The following RFX2 variants were observed in gnomAD, a reference collection of about 807,000 sequenced individuals.
The protein encoded by RFX2 is DNA-binding protein RFX2.
In RFX2, 20 loss-of-function variants were observed where a neutral mutation model predicts 87.8. The observed-to-expected ratio is 0.23, with a 90% CI of 0.16 to 0.33. The LOEUF (loss-of-function observed/expected upper bound fraction) is 0.33, where lower values mean the gene tolerates loss of function less well. Ranked by LOEUF, RFX2 falls within the 10% of genes least tolerant of loss-of-function variation. The probability of loss-of-function intolerance (pLI) is 1.00; values close to 1 mark genes in which losing one functional copy is unlikely to be tolerated. For missense variants in RFX2, 767 were observed against 1,012.3 expected, an observed-to-expected ratio of 0.76 and a Z score of 3.29; for synonymous variants, 397 against 431.3, an observed-to-expected ratio of 0.92 and a Z score of 0.98.
chr19:6,004,381 C>T lies in RFX2; in HGVS notation c.1403-83G>A. 1 of 1,155,882 alleles carries T rather than the reference C, an allele frequency of 8.7e-7. No individual in the cohort carries two copies. Among genetic ancestry groups the T allele is most frequent in the Non-Finnish European group, 1.3e-6 (1 of 765,886 alleles). 71.6% of individuals were successfully genotyped at this position (1,155,882 alleles called of 1,614,324 possible). A position where few individuals can be genotyped will look rare whatever the true frequency, so the allele number is the denominator to read the frequency against. On this transcript the variant is annotated intron_variant, in intron 12 of 17. Coordinates refer to ENST00000303657, the MANE Select transcript of RFX2 (RefSeq NM_000635.4). The surrounding 1 kb of genome is among the most constrained non-coding windows in gnomAD (Gnocchi z 4.8). ...ATCAGCATTCAGTGTAAGAGCTGGC[C>T]CAAGTGCGATGAAAATGACCACCAT...
intron 5 of RFX2, among the ~76,000 whole-genome samples, chr19:6,038,812 C>T (rs2087060657): frequency 6.6e-6 from 1 of 152,174 alleles, no homozygotes; most frequent in Admixed American, 6.5e-5. Context: ...ACCAAGAGCA[C>T]CAGCAGCATC....
intron 1 of RFX2, chr19:6,068,398 G>A (rs866207269): frequency 1.1e-4 from 17 of 152,162 alleles, no homozygotes; most frequent in African/African-American, 3.4e-4. Context: ...GGGAGGATAG[G>A]AGCATATGGA....
At chr19:6,000,829 C>A (rs964094994) in intron 15 of RFX2, among the ~76,000 whole-genome samples, 4 of 152,230 alleles carry the variant, frequency 2.6e-5, no homozygotes, top group Admixed American at 2.6e-4. Flanking sequence ...ACAATTTGGC[C>A]CTGTGGCCAT....
chr19:6,065,851 G>T (rs1321505277), intron 1 of RFX2, among the ~76,000 whole-genome samples: 1 of 152,070 alleles, frequency 6.6e-6, no homozygotes, highest in Non-Finnish European at 1.5e-5. Flanking sequence ...GGGCTGGAGT[G>T]TCTGTTACAG....
At chr19:6,052,674 C>T (rs1031071842) in intron 1 of RFX2, among the ~76,000 whole-genome samples, 1 of 152,058 alleles carries the variant, frequency 6.6e-6, no homozygotes, top group African/African-American at 2.4e-5. Context: ...TTCAAAATAC[C>T]ATAATTATAC....
chr19:6,007,190 G>A lies in RFX2; in HGVS notation c.1248-24C>T. 6.2e-7 allele frequency: 1 copy of A among 1,609,362 alleles called. No individual in the cohort carries two copies. Among genetic ancestry groups the A allele is most frequent in the Non-Finnish European group, 8.5e-7 (1 of 1,177,664 alleles). ...CACTGTGGAGGGAGGGGGGACAGGTGAGCTGTGGCCTGGCCCAGGTGGGCT... is the reference window on the plus strand; with the variant it reads ...CACTGTGGAGGGAGGGGGGACAGGTAAGCTGTGGCCTGGCCCAGGTGGGCT... On this transcript the variant is annotated intron_variant, in intron 11 of 17. Coordinates refer to ENST00000303657, the MANE Select transcript of RFX2 (RefSeq NM_000635.4). This position sits in a 1 kb window ranked among gnomAD's most constrained non-coding sequence, Gnocchi z 8.2.
intron 4 of RFX2, among the ~76,000 whole-genome samples, chr19:6,041,225 G>T (rs1272810506): frequency 6.6e-6 from 1 of 152,014 alleles, no homozygotes; most frequent in Non-Finnish European, 1.5e-5. Flanking sequence ...AGTAGCTGGG[G>T]TGATGGGTGT....
intron 1 of RFX2, chr19:6,072,739 C>G (rs1052346236): frequency 4.0e-6 from 2 of 502,076 alleles, no homozygotes; most frequent in Non-Finnish European, 7.3e-6. Context: ...CTTCCAAGGA[C>G]ATAACAAAGA....
chr19:6,023,508 T>C lies in RFX2; in HGVS notation c.597+2655A>G, dbSNP rs112344275. ...TCTAAGTTTATTCTGCCCGTGTGTG[T>C]GGTGAACTTTTTAGAAAGATCTTAT... On this transcript the variant is annotated intron_variant, in intron 6 of 17. Transcript: ENST00000303657. This position sits in a 1 kb window ranked among gnomAD's most constrained non-coding sequence, Gnocchi z 4.9. Among the ~76,000 whole-genome samples the C allele has an allele frequency of 9.6e-3, 1,458 of 152,362 alleles. 8 individuals carry two copies. Among genetic ancestry groups the C allele is most frequent in the Non-Finnish European group, 0.014 (942 of 68,042 alleles).
rs1398306133 is a variant in RFX2 at position 6,088,779 on chromosome 19, CA to C, written c.-9+21613del. 3.3e-5 allele frequency among the ~76,000 whole-genome samples: 5 copies of C among 152,162 alleles called. No individual in the cohort carries two copies. The East Asian group carries it at 5.8e-4, about 18-fold the overall frequency. ...TATAGCCAAGTAATGTGCGTTAGAC[CA>C]GGGGGTGGCAAGCTTTTTTTGTAAA... On this transcript the variant is annotated intron_variant, in intron 1 of 17. Coordinates refer to ENST00000303657, the MANE Select transcript of RFX2 (RefSeq NM_000635.4).
At position 6,024,169 on chromosome 19, in the gene RFX2, C is replaced by T. The variant is rs1049431400; in HGVS notation, c.597+1994G>A. On this transcript the variant is annotated intron_variant, in intron 6 of 17. Coordinates refer to ENST00000303657, the MANE Select transcript of RFX2 (RefSeq NM_000635.4). This position sits in a 1 kb window ranked among gnomAD's most constrained non-coding sequence, Gnocchi z 5.0. ...TCCTGCCTGGGTCACGCAGCCCTCT[C>T]GCCCAGGGCTGATACCCTGGACCCG... Among the ~76,000 whole-genome samples, 5 of 152,226 alleles carry T rather than the reference C, an allele frequency of 3.3e-5. No homozygotes were observed. Among genetic ancestry groups the T allele is most frequent in the African/African-American group, 7.2e-5 (3 of 41,454 alleles).
At chr19:6,037,066 C>T (rs1314324331) in intron 5 of RFX2, among the ~76,000 whole-genome samples, 4 of 152,102 alleles carry the variant, frequency 2.6e-5, no homozygotes, top group Admixed American at 6.5e-5. Context: ...AGGCAGATCA[C>T]GAGGTCAGGA....
Position 6,002,190 on chromosome 19 carries a change from A to G in RFX2, c.1651-167T>C, listed in dbSNP as rs2086499030. On this transcript the variant is annotated intron_variant, in intron 14 of 17. Coordinates refer to ENST00000303657, the MANE Select transcript of RFX2 (RefSeq NM_000635.4). The surrounding 1 kb of genome is among the most constrained non-coding windows in gnomAD (Gnocchi z 6.7). ...CCTGTGTCTCCCGTCACAGGGGCAG[A>G]ATAGAGAGCTGAGGGGGATCGTACC... 6.6e-6 allele frequency among the ~76,000 whole-genome samples: 1 copy of G among 152,226 alleles called. No homozygotes were observed.
intron 5 of RFX2, among the ~76,000 whole-genome samples, chr19:6,033,167 C>A (rs886847746): frequency 1.3e-5 from 2 of 152,196 alleles, no homozygotes; most frequent in African/African-American, 2.4e-5. Context: ...AGAGCCACTG[C>A]GCACTCTTAA....
At chr19:5,996,757 G>T (rs1415237674) in intron 16 of RFX2, among the ~76,000 whole-genome samples, 1 of 152,246 alleles carries the variant, frequency 6.6e-6, no homozygotes, top group African/African-American at 2.4e-5. Context: ...CCCCTGTGTG[G>T]CGGGACGCCC....
chr19:6,048,482 A>T (rs1006188320), intron 1 of RFX2, among the ~76,000 whole-genome samples: 8 of 152,214 alleles, frequency 5.3e-5, no homozygotes, highest in Non-Finnish European at 1.0e-4. Context: ...ACACACACTT[A>T]GGTAGGGAGG....
rs2086866402 is a variant in RFX2 at position 6,024,903 on chromosome 19, G to C, written c.597+1260C>G. 6.8e-6 allele frequency among the ~76,000 whole-genome samples: 1 copy of C among 147,080 alleles called. No homozygotes were observed. Among genetic ancestry groups the C allele is most frequent in the East Asian group, 2.0e-4 (1 of 4,910 alleles). On this transcript the variant is annotated intron_variant, in intron 6 of 17. Coordinates refer to ENST00000303657, the MANE Select transcript of RFX2 (RefSeq NM_000635.4). The surrounding 1 kb of genome is among the most constrained non-coding windows in gnomAD (Gnocchi z 5.0). ...GGACGGGATCACGGTGAGGACGGGA[G>C]TCAGGACGGGATCACGGTGAGGACG...
rs1409211114 is a variant in RFX2, at chr19:6,039,880, C to A, written c.522+100G>T. On this transcript the variant is annotated intron_variant, in intron 5 of 17. Coordinates refer to ENST00000303657, the MANE Select transcript of RFX2 (RefSeq NM_000635.4). The surrounding 1 kb of genome is among the most constrained non-coding windows in gnomAD (Gnocchi z 5.2). ...GCCTGGGCCCAGAGCAGACGACAGC[C>A]CCTCCGGGCCTCCGGCTGCCTCTTA... The A allele has an allele frequency of 1.1e-5, 15 of 1,376,180 alleles. No homozygotes were observed. Among genetic ancestry groups the A allele is most frequent in the African/African-American group, 1.5e-5 (1 of 68,888 alleles). 85.2% of individuals were successfully genotyped at this position (1,376,180 alleles called of 1,614,324 possible).
intron 6 of RFX2, among the ~76,000 whole-genome samples, chr19:6,018,938 C>T (rs2086768162): frequency 6.6e-6 from 1 of 152,202 alleles, no homozygotes; most frequent in African/African-American, 2.4e-5. Context: ...CTGGCCGCCC[C>T]TGAATCACTC....
Sources: gnomAD v4.1 joint callset for allele counts (sites outside exome capture counted in the v4.1 genomes callset) on GRCh38, gnomAD v4.1.1 for gene constraint, Gnocchi (gnomAD v3.1) non-coding constraint, MANE v1.5 for transcripts, NCBI Gene and HGNC (gene_info 2026-07-23, HGNC 2026-07-21) for gene names.